The following CHIC1 variants were observed in gnomAD, a reference collection of about 807,000 sequenced individuals.
CHIC1 encodes cysteine-rich hydrophobic domain-containing protein 1.
A neutral mutation model predicts 18.5 loss-of-function variants in CHIC1; 7 were observed. The observed-to-expected ratio is 0.38, with a 90% CI of 0.22 to 0.71. CHIC1 has a LOEUF of 0.71. Among genes scored for constraint, CHIC1 ranks in the 30% least tolerant of loss-of-function variants. The pLI, the probability that CHIC1 is intolerant of heterozygous loss-of-function variation, is 0.49. For synonymous variants in CHIC1, 77 were observed against 73.5 expected, an observed-to-expected ratio of 1.05 and a Z score of -0.25; for missense variants, 159 against 176.9, an observed-to-expected ratio of 0.90 and a Z score of 0.57.
At chrX:73,648,180 G>T (rs1482595190) in intron 3 of CHIC1, among the ~76,000 whole-genome samples, 4 of 110,766 alleles carry the variant, frequency 3.6e-5, no homozygotes, top group African/African-American at 9.8e-5. Flanking sequence ...CACAAAAAAA[G>T]TACCAACAAA....
chrX:73,672,000 A>G (rs910969146), intron 3 of CHIC1, among the ~76,000 whole-genome samples: 3 of 110,824 alleles, frequency 2.7e-5, no homozygotes, highest in African/African-American at 9.9e-5. Context: ...GTTCCCACCT[A>G]TGAGTGAGAA....
intron 3 of CHIC1, among the ~76,000 whole-genome samples, chrX:73,630,930 T>C (rs2057804020): frequency 8.9e-6 from 1 of 112,039 alleles, no homozygotes; most frequent in African/African-American, 3.2e-5. Context: ...TTTTTTGTTT[T>C]GTTCATATTT....
intron 3 of CHIC1, among the ~76,000 whole-genome samples, chrX:73,670,113 G>A (rs1485507095): frequency 9.0e-6 from 1 of 111,573 alleles, no homozygotes; most frequent in East Asian, 2.8e-4. Flanking sequence ...GAGAAGCATG[G>A]TTTCCCAGGG....
At chrX:73,649,225 G>A (rs2057903880) in intron 3 of CHIC1, among the ~76,000 whole-genome samples, 1 of 111,720 alleles carries the variant, frequency 9.0e-6, no homozygotes, top group African/African-American at 3.3e-5. Context: ...GGAAAAACTG[G>A]AACTAGCCAC....
At chrX:73,636,707 C>T (rs576560993) in intron 3 of CHIC1, among the ~76,000 whole-genome samples, 8 of 108,417 alleles carry the variant, frequency 7.4e-5, no homozygotes, top group African/African-American at 2.0e-4. Flanking sequence ...CTGTGGTTAC[C>T]GTGGAGGTTA....
chrX:73,592,933 A>G (rs1459955891), intron 3 of CHIC1, among the ~76,000 whole-genome samples: 1 of 109,886 alleles, frequency 9.1e-6, no homozygotes, highest in African/African-American at 3.3e-5. Flanking sequence ...TTCAATCTTG[A>G]GAGCCTGTGT....
At chrX:73,578,396 C>A in intron 2 of CHIC1, among the ~76,000 whole-genome samples, 1 of 110,116 alleles carries the variant, frequency 9.1e-6, no homozygotes, top group African/African-American at 3.3e-5. Context: ...TCAGTCATTG[C>A]CAAATGGTTA....
At chrX:73,570,315 G>A (rs1299774078) in intron 1 of CHIC1, among the ~76,000 whole-genome samples, 1 of 110,864 alleles carries the variant, frequency 9.0e-6, no homozygotes, top group Non-Finnish European at 1.9e-5. Flanking sequence ...AACTTTGGAG[G>A]GGAAGCAAGG....
chrX:73,670,024 G>A (rs1004380447), intron 3 of CHIC1, among the ~76,000 whole-genome samples: 1 of 111,910 alleles, frequency 8.9e-6, no homozygotes, highest in Non-Finnish European at 1.9e-5. Context: ...ACTCCATACA[G>A]CTCTGTGTCG....
At chrX:73,601,415 A>G (rs2057648814) in intron 3 of CHIC1, among the ~76,000 whole-genome samples, 2 of 105,773 alleles carry the variant, frequency 1.9e-5, no homozygotes, top group South Asian at 4.1e-4. Context: ...CTCACTCAAA[A>G]CCGCTCAACT....
intron 3 of CHIC1, among the ~76,000 whole-genome samples, chrX:73,617,649 C>G (rs2057738968): frequency 9.0e-6 from 1 of 111,412 alleles, no homozygotes; most frequent in Non-Finnish European, 1.9e-5. Flanking sequence ...GAATGAGAAC[C>G]AAGCAAAATG....
intron 3 of CHIC1, among the ~76,000 whole-genome samples, chrX:73,644,360 G>A (rs914925949): frequency 2.5e-4 from 28 of 112,339 alleles, no homozygotes; most frequent in African/African-American, 6.5e-4. Context: ...CAGTCTGCCC[G>A]TTCTCAGATC....
At chrX:73,603,186 A>G (rs2057660690) in intron 3 of CHIC1, among the ~76,000 whole-genome samples, 1 of 107,808 alleles carries the variant, frequency 9.3e-6, no homozygotes, top group Non-Finnish European at 1.9e-5. Flanking sequence ...TCTCTTGAGC[A>G]GTGGTTTGTA....
At chrX:73,637,188 G>A (rs759674223) in intron 3 of CHIC1, among the ~76,000 whole-genome samples, 1 of 111,232 alleles carries the variant, frequency 9.0e-6, no homozygotes, top group East Asian at 2.8e-4. Flanking sequence ...AATACTTTAA[G>A]TATATCTTCA....
chrX:73,600,581 A>G (rs1161574318), intron 3 of CHIC1, among the ~76,000 whole-genome samples: 12 of 108,391 alleles, frequency 1.1e-4, no homozygotes, highest in Non-Finnish European at 1.9e-4. Context: ...TTCTGCATCT[A>G]TTGAGATAAT....
intron 3 of CHIC1, among the ~76,000 whole-genome samples, chrX:73,611,351 A>T (rs1371804664): frequency 9.2e-6 from 1 of 108,586 alleles, no homozygotes; most frequent in African/African-American, 3.6e-5. Flanking sequence ...ACATGAACTC[A>T]TCATTTTTTA....
In CHIC1 at chrX:73,686,845, A is replaced by G. The variant is rs1336878968; in HGVS notation, c.*5840A>G. The G allele has an allele frequency of 9.0e-6, 1 of 111,497 alleles. No homozygotes were observed. Among genetic ancestry groups the G allele is most frequent in the Non-Finnish European group, 1.9e-5 (1 of 52,891 alleles). The allele number at this position is 111,497 out of a possible 1,213,427, so 9.2% of individuals were successfully genotyped here. On this transcript the variant is annotated 3_prime_UTR_variant, in exon 6 of 6. Coordinates refer to ENST00000373502, the MANE Select transcript of CHIC1 (RefSeq NM_001039840.4). ...GGGACAGCTTTACCAGAAAAGAATA[A>G]TAGCGGATATGTTCATCCAAACTAA...
intron 3 of CHIC1, among the ~76,000 whole-genome samples, chrX:73,622,209 A>T (rs1337430388): frequency 8.9e-6 from 1 of 112,086 alleles, no homozygotes; most frequent in Non-Finnish European, 1.9e-5. Context: ...TGCTGGCCTT[A>T]TAGAATGAGT....
At chrX:73,619,696 C>A (rs995911429) in intron 3 of CHIC1, among the ~76,000 whole-genome samples, 13 of 111,651 alleles carry the variant, frequency 1.2e-4, no homozygotes, top group Non-Finnish European at 1.5e-4. Flanking sequence ...TTAACTTTAT[C>A]CTTCCCACTT....
Sources: gnomAD v4.1 joint callset for allele counts (sites outside exome capture counted in the v4.1 genomes callset) on GRCh38, gnomAD v4.1.1 for gene constraint, MANE v1.5 for transcripts, NCBI Gene and HGNC (gene_info 2026-07-23, HGNC 2026-07-21) for gene names.